SCARA3: variants seen among roughly 807,000 people sequenced by gnomAD.
SCARA3 encodes the protein scavenger receptor class A member 3, also known as cellular stress response gene protein.
Under a neutral mutation model 47.0 loss-of-function variants are expected in SCARA3, and 39 were observed. The observed-to-expected ratio is 0.83, with a 90% CI of 0.64 to 1.08. The LOEUF (loss-of-function observed/expected upper bound fraction) is 1.08, where lower values mean the gene tolerates loss of function less well. SCARA3 is among the 50% of genes least tolerant of loss of function. The pLI, the probability that SCARA3 is intolerant of heterozygous loss-of-function variation, is 0.00. For missense variants in SCARA3, 724 were observed against 792.3 expected (o/e 0.91, Z 1.04); for synonymous variants, 356 against 334.1 (o/e 1.07, Z -0.71).
At chr8:27,725,521 GC>G in the SCARA3 span, among the ~76,000 whole-genome samples, 1 of 121,192 alleles carries the variant, frequency 8.3e-6, no homozygotes, top group Admixed American at 9.1e-5. Flanking sequence ...CCAAACCACT[GC>G]CCCCTCCAAA....
chr8:27,695,917 T>C, the SCARA3 span, among the ~76,000 whole-genome samples: 1 of 152,016 alleles, frequency 6.6e-6, no homozygotes, highest in Non-Finnish European at 1.5e-5. Flanking sequence ...CACATGAAAT[T>C]GGACACTCAA....
the SCARA3 span, among the ~76,000 whole-genome samples, chr8:27,698,776 A>C: frequency 6.6e-6 from 1 of 152,182 alleles, no homozygotes; most frequent in Non-Finnish European, 1.5e-5. Flanking sequence ...AAAATATAAA[A>C]TATATAGGAA....
At chr8:27,687,488 G>A in the SCARA3 span, among the ~76,000 whole-genome samples, 1 of 152,116 alleles carries the variant, frequency 6.6e-6, no homozygotes, top group Non-Finnish European at 1.5e-5. Flanking sequence ...CAGAGAGAAT[G>A]AGAGTGAGAA....
At position 27,671,666 on chromosome 8, in the gene SCARA3, A is replaced by C; in HGVS notation, c.*315A>C. The C allele has an allele frequency of 1.8e-6, 2 of 1,102,256 alleles. No homozygotes were observed. Among genetic ancestry groups the C allele is most frequent in the Non-Finnish European group, 2.2e-6 (2 of 897,792 alleles). The allele number at this position is 1,102,256 out of a possible 1,614,324, so 68.3% of individuals were successfully genotyped here. A position where few individuals can be genotyped will look rare whatever the true frequency, so the allele number is the denominator to read the frequency against. ...TGCACACACACATGCACGCACACACACATGCACACATACACGTGCACACAT... is the reference window on the plus strand; with the variant it reads ...TGCACACACACATGCACGCACACACCCATGCACACATACACGTGCACACAT... On this transcript the variant is annotated 3_prime_UTR_variant, in exon 6 of 6. Transcript: ENST00000301904.
At chr8:27,666,965 C>A (rs532419917) in intron 5 of SCARA3, among the ~76,000 whole-genome samples, 3 of 152,216 alleles carry the variant, frequency 2.0e-5, no homozygotes, top group Non-Finnish European at 4.4e-5. Flanking sequence ...CCCCCCTCCA[C>A]CGGACTCCAG....
the SCARA3 span, among the ~76,000 whole-genome samples, chr8:27,719,708 C>G: frequency 2.0e-5 from 3 of 152,026 alleles, no homozygotes; most frequent in African/African-American, 4.8e-5. Flanking sequence ...TGGTAAACAT[C>G]CTATTATTTA....
At chr8:27,645,290 T>G (rs914185687) in intron 1 of SCARA3, among the ~76,000 whole-genome samples, 7 of 152,256 alleles carry the variant, frequency 4.6e-5, no homozygotes, top group African/African-American at 1.7e-4. Context: ...GGATAACAGT[T>G]AACTGAAGAC....
chr8:27,700,803 G>A, the SCARA3 span, among the ~76,000 whole-genome samples: 3 of 152,160 alleles, frequency 2.0e-5, no homozygotes, highest in African/African-American at 7.2e-5. Flanking sequence ...GTGAGGATGT[G>A]GAGCAACGAG....
chr8:27,721,081 C>T, the SCARA3 span, among the ~76,000 whole-genome samples: 1 of 152,140 alleles, frequency 6.6e-6, no homozygotes, highest in Non-Finnish European at 1.5e-5. Context: ...TCTATCCATC[C>T]TTCCATCCAT....
At chr8:27,702,276 G>T in the SCARA3 span, 4 of 152,272 alleles carry the variant, frequency 2.6e-5, no homozygotes, top group Non-Finnish European at 5.9e-5. Context: ...CCATCTCCAG[G>T]AAGCCCCCTC....
Position 27,651,519 on chromosome 8 carries a change from C to A in SCARA3, c.118C>A (p.Pro40Thr). The change falls in exon 3 of 6, where the codon CCC becomes ACC. Residue 40 changes from proline to threonine, a missense_variant. Pro to Thr is a conservative substitution (Grantham distance 38). Transcript: ENST00000301904. ...FPCTQKGRPG[P>T]RCSRCQKNLS... ...TGTGTCCCCCACAGGCCGGCCAGGGCCCCGCTGCAGCCGCTGCCAGAAGAA... is the reference window on the plus strand; with the variant it reads ...TGTGTCCCCCACAGGCCGGCCAGGGACCCGCTGCAGCCGCTGCCAGAAGAA... The A allele has an allele frequency of 6.2e-7, 1 of 1,612,580 alleles. No homozygotes were observed. Among genetic ancestry groups the A allele is most frequent in the Non-Finnish European group, 8.5e-7 (1 of 1,179,976 alleles).
intron 1 of SCARA3, among the ~76,000 whole-genome samples, chr8:27,640,863 A>G (rs1801366287): frequency 6.6e-6 from 1 of 151,978 alleles, no homozygotes; most frequent in Non-Finnish European, 1.5e-5. Flanking sequence ...TGCCCAGCTA[A>G]TTTTTGTATT....
chr8:27,634,065 C>A lies in SCARA3; in HGVS notation c.-136C>A, dbSNP rs1355350764. The A allele has an allele frequency of 8.3e-6, 6 of 721,882 alleles. No individual in the cohort carries two copies. The highest frequency in any genetic ancestry group is 1.2e-5 in the Non-Finnish European group (6 of 507,566). 44.7% of individuals were successfully genotyped at this position (721,882 alleles called of 1,614,324 possible). A position where few individuals can be genotyped will look rare whatever the true frequency, so the allele number is the denominator to read the frequency against. ...GCAGCCCGCGCGCCGGAGCATGAGT[C>A]CCGGCCGGAGCCCCACGGCCGCGGG... is the stretch of plus-strand genomic sequence containing the variant. On this transcript the variant is annotated 5_prime_UTR_variant, in exon 1 of 6. Transcript: ENST00000301904.
At position 27,659,061 on chromosome 8, in the gene SCARA3, G is replaced by A. The variant is rs780380297; in HGVS notation, c.891G>A (p.Met297Ile). The part of the protein sequence containing the change: ...SQRISQNSES[M>I]HDLVLQVMGL... The stretch of plus-strand genomic sequence containing the variant: ...GCATCAGCCAGAACTCAGAGAGCAT[G>A]CACGACCTGGTACTCCAGGTCATGG... Residue 297 changes from methionine to isoleucine, a missense_variant, in exon 5 of 6, where the codon ATG becomes ATA. By Grantham distance (10) the Met-to-Ile change is conservative (BLOSUM62 1). Transcript: ENST00000301904. 1 of 1,614,096 alleles carries A rather than the reference G, an allele frequency of 6.2e-7. No individual in the cohort carries two copies. The highest frequency in any genetic ancestry group is 8.5e-7 in the Non-Finnish European group (1 of 1,180,008).
the SCARA3 span, among the ~76,000 whole-genome samples, chr8:27,722,430 G>A: frequency 6.6e-6 from 1 of 151,966 alleles, no homozygotes; most frequent in Non-Finnish European, 1.5e-5. Flanking sequence ...AAAAAAAGAG[G>A]TCAGATTCAC....
At chr8:27,725,581 G>A in the SCARA3 span, among the ~76,000 whole-genome samples, 1 of 151,390 alleles carries the variant, frequency 6.6e-6, no homozygotes, top group African/African-American at 2.4e-5. Context: ...AGAAAAGACA[G>A]GGGATTTAAT....
chr8:27,706,125 T>C, the SCARA3 span, among the ~76,000 whole-genome samples: 1 of 152,050 alleles, frequency 6.6e-6, no homozygotes, highest in Non-Finnish European at 1.5e-5. Flanking sequence ...ATGGAGGCCT[T>C]GTATAGCATG....
In SCARA3 at chr8:27,671,033, T is replaced by C. The variant is rs776550497; in HGVS notation, c.1503T>C (p.Pro501=). The C allele has an allele frequency of 6.2e-7, 1 of 1,611,960 alleles. No individual in the cohort carries two copies. The highest frequency in any genetic ancestry group is 8.5e-7 in the Non-Finnish European group (1 of 1,179,526). The part of the protein sequence containing the change: ...PLGPQGPQGQ[P]GEAGPVGERG... ...GACCCCAGGGTCCTCAGGGGCAACC[T>C]GGAGAGGCCGGGCCTGTGGGAGAAA... Residue 501 remains proline (P), a synonymous_variant, in exon 6 of 6, where the codon CCT becomes CCC. Transcript: ENST00000301904.
chr8:27,722,670 T>C, the SCARA3 span, among the ~76,000 whole-genome samples: 1 of 152,154 alleles, frequency 6.6e-6, no homozygotes, highest in Admixed American at 6.5e-5. Context: ...CAAATTTCCA[T>C]TCATTTTCAA....
Sources: gnomAD v4.1 joint callset for allele counts (sites outside exome capture counted in the v4.1 genomes callset) on GRCh38, gnomAD v4.1.1 for gene constraint, MANE v1.5 for transcripts, NCBI Gene and HGNC (gene_info 2026-07-23, HGNC 2026-07-21) for gene names.